PIGZ: variants seen among roughly 807,000 people sequenced by gnomAD.
The protein encoded by PIGZ is GPI alpha-1,2-mannosyltransferase 4.
Under a neutral mutation model 16.4 loss-of-function variants are expected in PIGZ, and 16 were observed. That is an observed-to-expected ratio of 0.97 (90% CI 0.66 to 1.48). The LOEUF (loss-of-function observed/expected upper bound fraction) is 1.48. PIGZ is among the 40% of genes most tolerant of loss of function. The pLI, the probability that PIGZ is intolerant of heterozygous loss-of-function variation, is 0.00. For missense variants in PIGZ, 770 were observed against 739.2 expected (o/e 1.04, Z -0.48); for synonymous variants, 409 against 338.4 (o/e 1.21, Z -2.29).
chr3:196,957,803 C>G (rs1717559065), intron 1 of PIGZ, among the ~76,000 whole-genome samples: 1 of 152,164 alleles, frequency 6.6e-6, no homozygotes, highest in Non-Finnish European at 1.5e-5. Context: ...TCCTGCTAGT[C>G]CCGAGAAGCT....
At chr3:196,960,613 G>A (rs545350015) in intron 1 of PIGZ, among the ~76,000 whole-genome samples, 1 of 151,578 alleles carries the variant, frequency 6.6e-6, no homozygotes, top group African/African-American at 2.4e-5. Context: ...AGGTTGCAGT[G>A]AGCCGAGATT....
chr3:196,954,374 C>G (rs1717402111), intron 1 of PIGZ, among the ~76,000 whole-genome samples: 1 of 152,230 alleles, frequency 6.6e-6, no homozygotes, highest in Non-Finnish European at 1.5e-5. Context: ...ATTAAATCTT[C>G]TAACTGTAGT....
intron 1 of PIGZ, among the ~76,000 whole-genome samples, chr3:196,967,699 C>T (rs1479939371): frequency 6.6e-6 from 1 of 152,212 alleles, no homozygotes; most frequent in East Asian, 1.9e-4. Flanking sequence ...GGTGCTCCAC[C>T]TTGAAGCACG....
At chr3:196,957,767 G>T (rs1260274496) in intron 1 of PIGZ, among the ~76,000 whole-genome samples, 1 of 152,162 alleles carries the variant, frequency 6.6e-6, no homozygotes. Context: ...GCTTCCCTCC[G>T]GGTGGGCAGT....
Position 196,952,004 on chromosome 3 carries a change from A to G in PIGZ, c.28T>C (p.Ser10Pro), listed in dbSNP as rs900777112. Reference protein sequence around the residue: MQICGSSVASVAAGTSFQVL... With the variant: MQICGSSVAPVAAGTSFQVL... ...TGGAATGATGTCCCAGCTGCTACAG[A>G]TGCTACGCTGGATCCACAGATCTGC... Residue 10 changes from serine to proline, a missense_variant, in exon 2 of 3, where the codon TCT (serine) becomes CCT (proline). Coordinates refer to ENST00000412723, the MANE Select transcript of PIGZ (RefSeq NM_025163.4). 1.9e-6 allele frequency: 3 copies of G among 1,614,154 alleles called. No individual in the cohort carries two copies. The highest frequency in any genetic ancestry group is 2.5e-6 in the Non-Finnish European group (3 of 1,180,016).
intron 1 of PIGZ, among the ~76,000 whole-genome samples, chr3:196,954,073 A>C (rs1485217200): frequency 6.6e-6 from 1 of 152,006 alleles, no homozygotes; most frequent in African/African-American, 2.4e-5. Context: ...GCTTTAAGTC[A>C]GGAGTTTGAG....
intron 1 of PIGZ, among the ~76,000 whole-genome samples, chr3:196,957,464 C>A (rs1233216779): frequency 6.6e-6 from 1 of 151,546 alleles, no homozygotes; most frequent in Non-Finnish European, 1.5e-5. Flanking sequence ...CTCACTGCAG[C>A]CTCTGCCTCC....
intron 1 of PIGZ, 141 bp from the exon 2 acceptor site, chr3:196,952,172 G>T: frequency 1.2e-6 from 1 of 801,664 alleles, no homozygotes; most frequent in Non-Finnish European, 2.0e-6. Context: ...CCCACTAACT[G>T]CCAGGCACGT....
intron 1 of PIGZ, among the ~76,000 whole-genome samples, chr3:196,957,115 A>G (rs184365345): frequency 1.9e-4 from 29 of 152,144 alleles, no homozygotes; most frequent in Admixed American, 1.8e-3. Context: ...TCTCTCAGGT[A>G]ACTGTGGGCA....
chr3:196,948,609 G>T lies in PIGZ; in HGVS notation c.288C>A (p.Pro96=). 1 of 1,554,472 alleles carries T rather than the reference G, an allele frequency of 6.4e-7. No individual in the cohort carries two copies. The change falls in exon 3 of 3, where the codon CCC becomes CCA. Residue 96 remains proline, a synonymous_variant. Coordinates refer to ENST00000412723, the MANE Select transcript of PIGZ (RefSeq NM_025163.4). ...PSSSCRSVLF[P]LLISGSTFWL... ...AGAAGGTGGAACCAGAGATCAGCAG[G>T]GGGAAGAGCACCGAGCGGCAGGAGC...
chr3:196,962,921 G>A (rs1717779549), intron 1 of PIGZ, among the ~76,000 whole-genome samples: 1 of 152,180 alleles, frequency 6.6e-6, no homozygotes, highest in Non-Finnish European at 1.5e-5. Context: ...GTCCTCACTT[G>A]CTGAGTGCCG....
rs148597790 is a variant in PIGZ, at chr3:196,947,363, C to T, written c.1534G>A (p.Gly512Ser). ...AAGAGGCGGCAGAGCCATGGCCCACCAGCCACTTGGCAGGCTGGTTGTCTG... is the reference window on the plus strand; with the variant it reads ...AAGAGGCGGCAGAGCCATGGCCCACTAGCCACTTGGCAGGCTGGTTGTCTG... Reference protein sequence around the residue: ...FTRQPACQVAGGPWLCRLFVV... With the variant: ...FTRQPACQVASGPWLCRLFVV... Residue 512 changes from glycine to serine, a missense_variant, in exon 3 of 3, where the codon GGT (glycine) becomes AGT (serine). By Grantham distance (56) the Gly-to-Ser change is moderately conservative. Transcript: ENST00000412723. The T allele has an allele frequency of 6.2e-7, 1 of 1,614,214 alleles. No homozygotes were observed. Among genetic ancestry groups the T allele is most frequent in the Non-Finnish European group, 8.5e-7 (1 of 1,180,046 alleles).
intron 1 of PIGZ, among the ~76,000 whole-genome samples, chr3:196,954,798 G>A (rs942643704): frequency 1.3e-5 from 2 of 152,188 alleles, no homozygotes; most frequent in African/African-American, 4.8e-5. Context: ...TATGGTTGAA[G>A]GATTTAATTT....
chr3:196,954,763 G>A (rs1161616874), intron 1 of PIGZ, among the ~76,000 whole-genome samples: 1 of 152,142 alleles, frequency 6.6e-6, no homozygotes, highest in Non-Finnish European at 1.5e-5. Flanking sequence ...AATTGCCATT[G>A]TAATTTCTTC....
At chr3:196,949,131 G>C (rs1220302566) in intron 2 of PIGZ, among the ~76,000 whole-genome samples, 1 of 148,672 alleles carries the variant, frequency 6.7e-6, no homozygotes, top group Non-Finnish European at 1.5e-5. Context: ...CTCTCGCTAT[G>C]TTACTCAGGC....
Position 196,951,871 on chromosome 3 carries a change from G to T in PIGZ, c.161C>A (p.Thr54Lys). 1 of 1,614,190 alleles carries T rather than the reference G, an allele frequency of 6.2e-7. No individual in the cohort carries two copies. Among genetic ancestry groups the T allele is most frequent in the Non-Finnish European group, 8.5e-7 (1 of 1,180,040 alleles). Residue 54 changes from threonine (T) to lysine (K), a missense_variant, in exon 2 of 3, where the codon ACG becomes AAG. Thr to Lys is a moderately conservative substitution (Grantham distance 78, BLOSUM62 -1). Coordinates refer to ENST00000412723, the MANE Select transcript of PIGZ (RefSeq NM_025163.4). ...GAACTCATCTGGGTGCACATAGCCC[G>T]TCTGCGGAAGGAGACACCACAGCAC... is the stretch of plus-strand genomic sequence containing the variant. The part of the protein sequence containing the change: ...LRVLWCLLPQ[T>K]GYVHPDEFFQ...
In PIGZ at chr3:196,947,971, T is replaced by C. The variant is rs766565680; in HGVS notation, c.926A>G (p.His309Arg). Reference sequence around the variant, plus strand: ...GTGAGTGAGCCGCGCGTGCGTGCCATGTCTCGCCAGGTTTTGGGGATTCAG... The same window carrying C: ...GTGAGTGAGCCGCGCGTGCGTGCCACGTCTCGCCAGGTTTTGGGGATTCAG... Reference protein sequence around the residue: ...YNLNPQNLARHGTHARLTHLA... With the variant: ...YNLNPQNLARRGTHARLTHLA... The change falls in exon 3 of 3, where the codon CAT becomes CGT. Residue 309 changes from histidine to arginine, a missense_variant. Transcript: ENST00000412723. 4.3e-6 allele frequency: 7 copies of C among 1,609,406 alleles called. No homozygotes were observed. The highest frequency in any genetic ancestry group is 3.3e-5 in the South Asian group (3 of 90,716).
At position 196,950,141 on chromosome 3, in the gene PIGZ, T is replaced by A. The variant is rs1472032693; in HGVS notation, c.212-1456A>T. Among the ~76,000 whole-genome samples, 5 of 152,190 alleles carry A rather than the reference T, an allele frequency of 3.3e-5. No homozygotes were observed. In the East Asian group the frequency reaches 9.6e-4, roughly 29 times the overall value. ...CTGGGACTACAGGCGCCCGCCACTG[T>A]GCCTGGCTGATTTTTGTATTTTCAG... On this transcript the variant is annotated intron_variant, in intron 2 of 2. Transcript: ENST00000412723.
At chr3:196,968,090 C>G (rs1302381982) in intron 1 of PIGZ, among the ~76,000 whole-genome samples, 2 of 152,248 alleles carry the variant, frequency 1.3e-5, no homozygotes, top group African/African-American at 4.8e-5. Context: ...CCAACCGGAG[C>G]GCTGGGTGCT....
Sources: gnomAD v4.1 joint callset for allele counts (sites outside exome capture counted in the v4.1 genomes callset) on GRCh38, gnomAD v4.1.1 for gene constraint, MANE v1.5 for transcripts, NCBI Gene and HGNC (gene_info 2026-07-23, HGNC 2026-07-21) for gene names.